The following DMXL2 variants were observed in gnomAD, a reference collection of about 807,000 sequenced individuals.
The protein encoded by DMXL2 is Dmx like 2.
In DMXL2, 103 loss-of-function variants were observed where a neutral mutation model predicts 331.1. That is an observed-to-expected ratio of 0.31 (90% CI 0.27 to 0.37). The LOEUF (loss-of-function observed/expected upper bound fraction) is 0.37. Ranked by LOEUF, DMXL2 falls within the 10% of genes least tolerant of loss-of-function variation. The pLI is 1.00. For missense variants in DMXL2, 3,171 were observed against 3,642.9 expected (o/e 0.87, Z 3.33); for synonymous variants, 1,281 against 1,252.1 (o/e 1.02, Z -0.49).
intron 13 of DMXL2, among the ~76,000 whole-genome samples, chr15:51,533,875 A>G (rs1466129390): frequency 6.6e-6 from 1 of 152,244 alleles, no homozygotes; most frequent in Non-Finnish European, 1.5e-5. Context: ...TGGTGCAGGT[A>G]TAACACTCTT....
chr15:51,456,521 C>T, intron 37 of DMXL2, 152 bp from the exon 38 acceptor site: 1 of 584,662 alleles, frequency 1.7e-6, no homozygotes, highest in Non-Finnish European at 3.0e-6. Flanking sequence ...CTACATAGAA[C>T]ACTTGTCTGA....
chr15:51,596,467 C>G (rs1301582946), intron 1 of DMXL2, among the ~76,000 whole-genome samples: 1 of 152,144 alleles, frequency 6.6e-6, no homozygotes, highest in South Asian at 2.1e-4. Flanking sequence ...TTTTACACTG[C>G]TGGTGGGACT....
Position 51,565,008 on chromosome 15 carries a change from T to C in DMXL2, c.364+80A>G. 2.5e-6 allele frequency: 2 copies of C among 809,626 alleles called. 1 individual carries two copies. 50.2% of individuals were successfully genotyped at this position (809,626 alleles called of 1,614,324 possible). On this transcript the variant is annotated intron_variant, in intron 4 of 43. Transcript: ENST00000560891. ...TAATACATTGATCATTTTCTTATTA[T>C]GGGAGACTATATCACATTATTATCA...
At chr15:51,527,804 T>G (rs61119203) in intron 13 of DMXL2, among the ~76,000 whole-genome samples, 3,221 of 151,628 alleles carry the variant, frequency 0.021, 51 homozygotes, top group African/African-American at 0.037. Flanking sequence ...AATATTACAC[T>G]GTAACTGTGG....
In DMXL2 at chr15:51,536,403, T is replaced by C; in HGVS notation, c.2077A>G (p.Met693Val). ...CCTTTTATATGTTTTACAGGGTCCA[T>C]TAATCTACTTAATTTATTGTCTGAG... ...WDSDNKLSRLMDPVKHIKGSS... is the reference protein window; with the variant it reads ...WDSDNKLSRLVDPVKHIKGSS... The change falls in exon 12 of 44, where the codon ATG becomes GTG. Residue 693 changes from methionine (M) to valine (V), a missense_variant. By Grantham distance (21) the Met-to-Val change is conservative. Around this residue, in one of 7 missense-constraint regions of DMXL2, gnomAD observed 1,674 missense variants for 1,780.2 expected, o/e 0.94. Transcript: ENST00000560891. 2 of 1,613,854 alleles carry C rather than the reference T, an allele frequency of 1.2e-6. No homozygotes were observed. Among genetic ancestry groups the C allele is most frequent in the African/African-American group, 1.3e-5 (1 of 75,034 alleles).
At chr15:51,554,925 A>C (rs916635696) in intron 6 of DMXL2, among the ~76,000 whole-genome samples, 11 of 152,314 alleles carry the variant, frequency 7.2e-5, no homozygotes, top group African/African-American at 2.6e-4. Flanking sequence ...TGGGAGACCA[A>C]GGTGGGCAGA....
intron 33 of DMXL2, among the ~76,000 whole-genome samples, chr15:51,462,423 C>A (rs1235352123): frequency 6.6e-6 from 1 of 152,092 alleles, no homozygotes; most frequent in Non-Finnish European, 1.5e-5. Flanking sequence ...GCAACCTCTG[C>A]CTCTCGGGTT....
In DMXL2 at chr15:51,481,320, T is replaced by G. The variant is rs2041995245; in HGVS notation, c.5786A>C (p.His1929Pro). ...AKKDQPDFIS[H>P]RMDDVPSHSK... is the part of the protein sequence containing the mutation. ...ATGTGAAGGTACATCATCCATCCTG[T>G]GAGAAATGAAGTCAGGCTGATCTTT... The change falls in exon 24 of 44, where the codon CAC (histidine) becomes CCC (proline). Residue 1929 changes from histidine (H) to proline (P), a missense_variant. Coordinates refer to ENST00000560891, the MANE Select transcript of DMXL2 (RefSeq NM_001378457.1). The G allele has an allele frequency of 6.2e-7, 1 of 1,614,134 alleles. No individual in the cohort carries two copies. The highest frequency in any genetic ancestry group is 2.2e-5 in the East Asian group (1 of 44,870).
chr15:51,512,041 G>T (rs140705296), intron 15 of DMXL2, among the ~76,000 whole-genome samples: 23 of 152,176 alleles, frequency 1.5e-4, no homozygotes, highest in Non-Finnish European at 2.1e-4. Context: ...GGGCCTGTTG[G>T]GGGGTGGGGG....
Position 51,480,044 on chromosome 15 carries a change from A to G in DMXL2, c.6660T>C (p.Ala2220=). The G allele has an allele frequency of 6.2e-7, 1 of 1,604,294 alleles. No homozygotes were observed. Among genetic ancestry groups the G allele is most frequent in the South Asian group, 1.1e-5 (1 of 90,278 alleles). Residue 2220 remains alanine (A), a synonymous_variant, in exon 25 of 44, where the codon GCT becomes GCC. Transcript: ENST00000560891. ...ASIASTKTVI[A]NPVLYLNNHI... is the part of the protein sequence containing the mutation. ...GATTATTTAAGTACAATACAGGATTAGCTATGACTGTTTTTGTTGACGCAA... is the reference window on the plus strand; with the variant it reads ...GATTATTTAAGTACAATACAGGATTGGCTATGACTGTTTTTGTTGACGCAA...
intron 15 of DMXL2, among the ~76,000 whole-genome samples, chr15:51,508,670 CAAT>C (rs1360532793): frequency 6.6e-6 from 1 of 152,128 alleles, no homozygotes; most frequent in Non-Finnish European, 1.5e-5. Context: ...CCAACAACAA[CAAT>C]AAATTCAACA....
At chr15:51,557,882 T>C (rs150556627) in intron 6 of DMXL2, among the ~76,000 whole-genome samples, 98 of 152,384 alleles carry the variant, frequency 6.4e-4, no homozygotes, top group African/African-American at 2.1e-3. Context: ...ACATAGATTT[T>C]AGACCTGAAT....
At chr15:51,475,465 G>A (rs2041495127) in intron 27 of DMXL2, among the ~76,000 whole-genome samples, 1 of 152,090 alleles carries the variant, frequency 6.6e-6, no homozygotes, top group African/African-American at 2.4e-5. Context: ...CTGCACTCCA[G>A]CCTGGGCGAC....
At chr15:51,455,295 G>A in intron 39 of DMXL2, 67 bp from the exon 40 acceptor site, 1 of 1,332,730 alleles carries the variant, frequency 7.5e-7, no homozygotes, top group Non-Finnish European at 1.1e-6. Flanking sequence ...AAACATGGAA[G>A]GAAGATTCAC....
rs183957772 is a variant in DMXL2, at chr15:51,491,526, G to A, written c.4953+52C>T. 3.2e-3 allele frequency: 4,858 copies of A among 1,516,634 alleles called. 8 individuals carry two copies. Among genetic ancestry groups the A allele is most frequent in the Non-Finnish European group, 3.8e-3 (4,334 of 1,125,824 alleles). The allele number at this position is 1,516,634 out of a possible 1,614,324, so 93.9% of individuals were successfully genotyped here. ...TTCTGGGAGATAGTATCTTTTTTTC[G>A]TTAGGAAAAGGTTTTTTTAATATAA... On this transcript the variant is annotated intron_variant, in intron 20 of 43. Coordinates refer to ENST00000560891, the MANE Select transcript of DMXL2 (RefSeq NM_001378457.1).
In DMXL2 at chr15:51,454,547, A is replaced by T. The variant is rs528489601; in HGVS notation, c.8604+604T>A. 1.4e-3 allele frequency among the ~76,000 whole-genome samples: 217 copies of T among 152,282 alleles called. 1 individual carries two copies. The highest frequency in any genetic ancestry group is 5.1e-3 in the African/African-American group (213 of 41,538). On this transcript the variant is annotated intron_variant, in intron 40 of 43. Transcript: ENST00000560891. ...AGTCTCACTCTGTTGCCCAAGCTAG[A>T]GCGCAGTGGCACAATCTCAGCTCAC...
chr15:51,579,666 C>T (rs998552055), intron 1 of DMXL2, among the ~76,000 whole-genome samples: 2 of 152,158 alleles, frequency 1.3e-5, no homozygotes, highest in Non-Finnish European at 2.9e-5. Flanking sequence ...AGTCAAAGAA[C>T]TTGGAGTTGA....
At chr15:51,526,481 A>T (rs2047684144) in intron 13 of DMXL2, among the ~76,000 whole-genome samples, 1 of 152,200 alleles carries the variant, frequency 6.6e-6, no homozygotes. Context: ...TAACTCCTCA[A>T]TGTCCATGCA....
At chr15:51,551,907 G>A (rs927438928) in intron 6 of DMXL2, among the ~76,000 whole-genome samples, 1 of 152,210 alleles carries the variant, frequency 6.6e-6, no homozygotes, top group Admixed American at 6.5e-5. Flanking sequence ...AGGGCACCAG[G>A]AAAGTATTTA....
Sources: gnomAD v4.1 joint callset for allele counts (sites outside exome capture counted in the v4.1 genomes callset) on GRCh38, gnomAD v4.1.1 for gene constraint, gnomAD v4.1.1 regional missense constraint, MANE v1.5 for transcripts, NCBI Gene and HGNC (gene_info 2026-07-23, HGNC 2026-07-21) for gene names.